The following CARMIL3 variants were observed in gnomAD, a reference collection of about 807,000 sequenced individuals.
CARMIL3 encodes capping protein, Arp2/3 and myosin-I linker protein 3.
A neutral mutation model predicts 180.8 loss-of-function variants in CARMIL3; 88 were observed. The observed-to-expected ratio is 0.49, with a 90% confidence interval of 0.41 to 0.58. The LOEUF (loss-of-function observed/expected upper bound fraction) is 0.58. CARMIL3 is among the 20% of genes least tolerant of loss of function. The pLI, the probability that CARMIL3 is intolerant of heterozygous loss-of-function variation, is 0.00. For synonymous variants in CARMIL3, 696 were observed against 714.5 expected, an observed-to-expected ratio of 0.97 and a Z score of 0.41; for missense variants, 1,548 against 1,787.0, an observed-to-expected ratio of 0.87 and a Z score of 2.41.
intron 24 of CARMIL3, 65 bp downstream of exon 24, chr14:24,060,320 G>A: frequency 1.3e-6 from 2 of 1,561,280 alleles, no homozygotes; most frequent in Non-Finnish European, 1.8e-6. Context: ...TGATGTGATG[G>A]AAAATTGAGT....
Position 24,065,137 on chromosome 14 carries a change from C to CCCCCCCCCGG in CARMIL3, c.3260_3261insCCCCCCCCGG (p.Thr1088ProfsTer10). On this transcript the variant is annotated frameshift_variant, in exon 33 of 40. Transcript: ENST00000342740. LOFTEE classifies it high-confidence loss of function. The stretch of plus-strand genomic sequence containing the variant: ...CTCCCTCCACCCCCACCCCCTCCCC[C>CCCCCCCCCGG]GACTCAGGAGAGCCCCCCTAGCCCA... The CCCCCCCCCGG allele has an allele frequency of 6.9e-7, 1 of 1,444,634 alleles. No individual in the cohort carries two copies. The highest frequency in any genetic ancestry group is 9.1e-7 in the Non-Finnish European group (1 of 1,096,652). The allele number at this position is 1,444,634 out of a possible 1,614,324, so 89.5% of individuals were successfully genotyped here. A position where few individuals can be genotyped will look rare whatever the true frequency, so the allele number is the denominator to read the frequency against.
At chr14:24,060,812 A>T in intron 25 of CARMIL3, 56 bp downstream of exon 25, 2 of 1,589,210 alleles carry the variant, frequency 1.3e-6, no homozygotes, top group Non-Finnish European at 1.7e-6. Flanking sequence ...AAGAAGGCCG[A>T]CCATGCTAAG....
In CARMIL3 at chr14:24,058,375, C is replaced by G; in HGVS notation, c.1392+151C>G. 1 of 839,528 alleles carries G rather than the reference C, an allele frequency of 1.2e-6. No homozygotes were observed. The highest frequency in any genetic ancestry group is 1.9e-6 in the Non-Finnish European group (1 of 537,006). 52.0% of individuals were successfully genotyped at this position (839,528 alleles called of 1,614,324 possible). A position where few individuals can be genotyped will look rare whatever the true frequency, so the allele number is the denominator to read the frequency against. ...CACCACTTTCCCCTCTCAGTCTGGC[C>G]TCTTTTCCAGAGGCCATTCATTCTC... On this transcript the variant is annotated intron_variant, in intron 17 of 39. Transcript: ENST00000342740. The surrounding 1 kb of genome is among the most constrained non-coding windows in gnomAD (Gnocchi z 6.4).
Position 24,059,068 on chromosome 14 carries a change from C to T in CARMIL3, c.1572-67C>T. 6.3e-7 allele frequency: 1 copy of T among 1,587,690 alleles called. No homozygotes were observed. The highest frequency in any genetic ancestry group is 8.6e-7 in the Non-Finnish European group (1 of 1,166,424). On this transcript the variant is annotated intron_variant, in intron 19 of 39. Transcript: ENST00000342740. This position sits in a 1 kb window ranked among gnomAD's most constrained non-coding sequence, Gnocchi z 6.3. ...GGCTCACCGTATTACCTCTGGCCAC[C>T]TCTCTCCTCCTCCAATAGCATGACC...
chr14:24,064,445 T>C, intron 32 of CARMIL3, 99 bp downstream of exon 32: 4 of 853,834 alleles, frequency 4.7e-6, no homozygotes, highest in Non-Finnish European at 7.6e-6. Flanking sequence ...ATAACAGCAG[T>C]GCCCAAAGCC....
intron 32 of CARMIL3, 30 bp from the exon 33 acceptor site, chr14:24,064,928 T>A: frequency 6.2e-7 from 1 of 1,601,410 alleles, no homozygotes; most frequent in East Asian, 2.2e-5. Context: ...CATCTGGCAT[T>A]TGTTGCTAAC....
At position 24,054,468 on chromosome 14, in the gene CARMIL3, C is replaced by T. The variant is rs771031430; in HGVS notation, c.319C>T (p.Arg107Ter). 3.7e-6 allele frequency: 6 copies of T among 1,614,110 alleles called. No homozygotes were observed. Among genetic ancestry groups the T allele is most frequent in the Admixed American group, 1.7e-5 (1 of 60,024 alleles). Residue 107 changes from arginine to a stop codon, truncating the protein, a stop_gained, in exon 5 of 40, where the codon CGA (arginine) becomes TGA (stop). Transcript: ENST00000342740. LOFTEE classifies it high-confidence loss of function. The surrounding 1 kb of genome is among the most constrained non-coding windows in gnomAD (Gnocchi z 5.1). ...AGCTGAAAGTGTGGACCAGGTGACA[C>T]GACATGTGAGCTCTGCCCTGTCCAA... ...PSAESVDQVT[R>*]HVSSALSKVC...
Position 24,060,810 on chromosome 14 carries a change from C to T in CARMIL3, c.2190+54C>T, listed in dbSNP as rs141035122. The T allele has an allele frequency of 1.0e-4, 165 of 1,590,854 alleles. 1 individual carries two copies. The African/African-American group carries it at 1.9e-3, about 18-fold the overall frequency. ...TGAAGTCTGGAGAACCCAAGAAGGC[C>T]GACCATGCTAAGCCATGACAGCCCT... On this transcript the variant is annotated intron_variant, in intron 25 of 39. Coordinates refer to ENST00000342740, the MANE Select transcript of CARMIL3 (RefSeq NM_138360.4).
rs1470275905 is a variant in CARMIL3 at position 24,058,973 on chromosome 14, A to C, written c.1558A>C (p.Asn520His). ...LKHLFLGKNF[N>H]VKAKTLEEIL... Reference sequence around the variant, plus strand: ...GCACCTGTTTTTGGGCAAGAACTTCAATGTCAAGGCCAAGTGAGGCCCCCT... The same window carrying C: ...GCACCTGTTTTTGGGCAAGAACTTCCATGTCAAGGCCAAGTGAGGCCCCCT... Residue 520 changes from asparagine (N) to histidine (H), a missense_variant, in exon 19 of 40, where the codon AAT becomes CAT. This residue lies in a region of CARMIL3 where 578 missense variants were observed against 666.5 expected (regional missense o/e 0.87). Coordinates refer to ENST00000342740, the MANE Select transcript of CARMIL3 (RefSeq NM_138360.4). This position sits in a 1 kb window ranked among gnomAD's most constrained non-coding sequence, Gnocchi z 6.4. The C allele has an allele frequency of 3.1e-6, 5 of 1,614,012 alleles. No individual in the cohort carries two copies. The highest frequency in any genetic ancestry group is 4.2e-6 in the Non-Finnish European group (5 of 1,180,032).
rs745889652 is a variant in CARMIL3, at chr14:24,060,613, GC to G, written c.2062-13del. ...AAGCAGGGGTCCCCTTGACACCCCT[GC>G]CACTGTGCTCCAGATGCTGCAGCGG... is the stretch of plus-strand genomic sequence containing the variant. On this transcript the variant is annotated splice_polypyrimidine_tract_variant and intron_variant, in intron 24 of 39. Coordinates refer to ENST00000342740, the MANE Select transcript of CARMIL3 (RefSeq NM_138360.4). 8.1e-6 allele frequency: 13 copies of G among 1,612,852 alleles called. No individual in the cohort carries two copies. The highest frequency in any genetic ancestry group is 1.6e-4 in the Middle Eastern group (1 of 6,062).
At position 24,056,293 on chromosome 14, in the gene CARMIL3, C is replaced by T; in HGVS notation, c.771-6C>T. 2 of 1,612,848 alleles carry T rather than the reference C, an allele frequency of 1.2e-6. No homozygotes were observed. Among genetic ancestry groups the T allele is most frequent in the Non-Finnish European group, 1.7e-6 (2 of 1,179,106 alleles). On this transcript the variant is annotated splice_polypyrimidine_tract_variant and splice_region_variant and intron_variant, in intron 10 of 39. Transcript: ENST00000342740. ...CAGGACAAATCCTTCCTCCCCTTCC[C>T]TGAAGGGACTTTGTCCAGAAGCTGG...
Position 24,061,166 on chromosome 14 carries a change from C to A in CARMIL3, c.2304+126C>A. 1.3e-6 allele frequency: 1 copy of A among 759,236 alleles called. No individual in the cohort carries two copies. The highest frequency in any genetic ancestry group is 2.1e-6 in the Non-Finnish European group (1 of 465,172). 47.0% of individuals were successfully genotyped at this position (759,236 alleles called of 1,614,324 possible). On this transcript the variant is annotated intron_variant, in intron 26 of 39. Transcript: ENST00000342740. The surrounding 1 kb of genome is among the most constrained non-coding windows in gnomAD (Gnocchi z 4.1). ...AGGAGGACATGCAGAGTTGAGACCA[C>A]CCACGCTCCCACTGTACCAAGGCAT...
chr14:24,057,759 C>G, intron 14 of CARMIL3, 44 bp from the exon 15 acceptor site: 2 of 1,546,518 alleles, frequency 1.3e-6, no homozygotes, highest in Middle Eastern at 2.3e-4. Flanking sequence ...CCACCCCCTA[C>G]CCCCTTCCAG....
In CARMIL3 at chr14:24,069,625, G is replaced by T; in HGVS notation, c.*221G>T. ...GCCTCGATACCTCTCTCTGCAGAGA[G>T]CTTCTGGGTGGGGGCTTATCTCCTC... On this transcript the variant is annotated 3_prime_UTR_variant, in exon 40 of 40. Coordinates refer to ENST00000342740, the MANE Select transcript of CARMIL3 (RefSeq NM_138360.4). The T allele has an allele frequency of 1.7e-6, 1 of 597,676 alleles. No individual in the cohort carries two copies. Among genetic ancestry groups the T allele is most frequent in the South Asian group, 2.0e-5 (1 of 48,882 alleles). The allele number at this position is 597,676 out of a possible 1,614,324, so 37.0% of individuals were successfully genotyped here.
intron 7 of CARMIL3, 34 bp downstream of exon 7, chr14:24,055,170 G>A (rs375454835): frequency 2.5e-6 from 4 of 1,613,866 alleles, no homozygotes; most frequent in Non-Finnish European, 3.4e-6. Flanking sequence ...GGGAACAGGT[G>A]GGACCTGGAG....
chr14:24,069,122 T>A lies in CARMIL3; in HGVS notation c.3983-15T>A. The A allele has an allele frequency of 6.2e-7, 1 of 1,613,540 alleles. No individual in the cohort carries two copies. The highest frequency in any genetic ancestry group is 8.5e-7 in the Non-Finnish European group (1 of 1,179,738). On this transcript the variant is annotated splice_polypyrimidine_tract_variant and intron_variant, in intron 38 of 39. Transcript: ENST00000342740. Reference sequence around the variant, plus strand: ...CCCCACTCCTGTGTTAGGCCTGCCTTGATTGTTATTTCAGGGCCCCCTGAT... The same window carrying A: ...CCCCACTCCTGTGTTAGGCCTGCCTAGATTGTTATTTCAGGGCCCCCTGAT...
Position 24,065,768 on chromosome 14 carries a change from C to G in CARMIL3, c.3525+18C>G. On this transcript the variant is annotated intron_variant, in intron 34 of 39. Transcript: ENST00000342740. ...AACGAGAGGTGAGTGGAGCCTGGGA[C>G]AACAAACTGTGGGTCCTGAGGGTAT... is the stretch of plus-strand genomic sequence containing the variant. 1 of 1,612,876 alleles carries G rather than the reference C, an allele frequency of 6.2e-7. No individual in the cohort carries two copies. Among genetic ancestry groups the G allele is most frequent in the Non-Finnish European group, 8.5e-7 (1 of 1,179,302 alleles).
In CARMIL3 at chr14:24,069,211, C is replaced by G. The variant is rs2035831997; in HGVS notation, c.4057C>G (p.Leu1353Val). 1 of 1,614,038 alleles carries G rather than the reference C, an allele frequency of 6.2e-7. No homozygotes were observed. Among genetic ancestry groups the G allele is most frequent in the Non-Finnish European group, 8.5e-7 (1 of 1,179,998 alleles). The change falls in exon 39 of 40, where the codon CTG becomes GTG. Residue 1353 changes from leucine to valine, a missense_variant. Transcript: ENST00000342740. ...ACGGCGGGCACAGTCCTGTGACAAG[C>G]TGGAACCTGATAGAAGACGGCCTCC... is the stretch of plus-strand genomic sequence containing the variant. ...RTRRAQSCDK[L>V]EPDRRRPPDP...
chr14:24,063,018 C>T, intron 29 of CARMIL3, 102 bp from the exon 30 acceptor site: 1 of 1,551,164 alleles, frequency 6.4e-7, no homozygotes, highest in Non-Finnish European at 8.8e-7. Context: ...TGCCTCAGCC[C>T]CCTGAGGAGC....
Sources: gnomAD v4.1 joint callset for allele counts on GRCh38, gnomAD v4.1.1 for gene constraint, gnomAD v4.1.1 regional missense constraint, Gnocchi (gnomAD v3.1) non-coding constraint, MANE v1.5 for transcripts, NCBI Gene and HGNC (gene_info 2026-07-23, HGNC 2026-07-21) for gene names.